Variants in NR6A1 observed in about 807,000 individuals in gnomAD.
NR6A1 encodes the protein nuclear receptor subfamily 6 group A member 1.
In NR6A1, 7 loss-of-function variants were observed where a neutral mutation model predicts 59.1. That is an observed-to-expected ratio of 0.12 (90% CI 0.07 to 0.22). The LOEUF is 0.22. NR6A1 is among the 10% of genes least tolerant of loss of function. NR6A1 has a pLI of 1.00. For synonymous variants in NR6A1, 243 were observed against 236.1 expected (o/e 1.03, Z -0.27); for missense variants, 468 against 611.6 (o/e 0.77, Z 2.48).
intron 1 of NR6A1, among the ~76,000 whole-genome samples, chr9:124,763,062 AG>A (rs1840824010): frequency 6.6e-6 from 1 of 152,228 alleles, no homozygotes; most frequent in Non-Finnish European, 1.5e-5. Flanking sequence ...CATGAACAAA[AG>A]TAGCTGGCTC....
rs34652433 is a variant in NR6A1 at position 124,568,169 on chromosome 9, CAAAAAAA to C, written c.143-13606_143-13600del. On this transcript the variant is annotated intron_variant, in intron 2 of 9. Transcript: ENST00000487099. ...AGCCTGGCAGAGCAATACTTCATCT[CAAAAAAA>C]AAAAAAAAAAAAAAAAAAAGAAACA... Among the ~76,000 whole-genome samples the C allele has an allele frequency of 1.0e-2, 303 of 30,446 alleles. 6 individuals carry two copies. Among genetic ancestry groups the C allele is most frequent in the African/African-American group, 0.021 (197 of 9,498 alleles). The allele number at this position is 30,446 out of a possible 152,430, so 20.0% of individuals were successfully genotyped here.
intron 2 of NR6A1, among the ~76,000 whole-genome samples, chr9:124,584,639 T>C (rs985006884): frequency 1.3e-5 from 2 of 152,170 alleles, no homozygotes; most frequent in African/African-American, 4.8e-5. Context: ...CGAAATAAGA[T>C]GGTGAACTTA....
intron 2 of NR6A1, chr9:124,692,664 C>G: frequency 3.7e-6 from 1 of 269,512 alleles, no homozygotes; most frequent in East Asian, 9.9e-5. Context: ...GAATTTTATT[C>G]CTACTGCTCA....
intron 2 of NR6A1, among the ~76,000 whole-genome samples, chr9:124,608,133 A>T (rs991375531): frequency 6.6e-6 from 1 of 152,184 alleles, no homozygotes; most frequent in Non-Finnish European, 1.5e-5. Flanking sequence ...TTTAAAAAAG[A>T]AAAAAGCACT....
At chr9:124,626,833 C>T (rs1264105138) in intron 2 of NR6A1, among the ~76,000 whole-genome samples, 3 of 152,118 alleles carry the variant, frequency 2.0e-5, no homozygotes, top group Non-Finnish European at 4.4e-5. Flanking sequence ...ACTCAGGAGG[C>T]TGAGGCAGGA....
chr9:124,599,521 C>G (rs1212557841), intron 2 of NR6A1: 2 of 573,516 alleles, frequency 3.5e-6, no homozygotes, highest in African/African-American at 4.0e-5. Flanking sequence ...CATGGTTGGA[C>G]TCGTCTTCAT....
chr9:124,540,889 C>G (rs776932655), intron 4 of NR6A1, among the ~76,000 whole-genome samples: 12 of 152,178 alleles, frequency 7.9e-5, no homozygotes, highest in Non-Finnish European at 1.6e-4. Context: ...ATACTCTCTT[C>G]AACAAATAGT....
At chr9:124,665,830 A>C (rs1837595295) in intron 2 of NR6A1, among the ~76,000 whole-genome samples, 1 of 152,252 alleles carries the variant, frequency 6.6e-6, no homozygotes, top group Non-Finnish European at 1.5e-5. Flanking sequence ...TGTGGCAATT[A>C]ATCTTACGAA....
intron 2 of NR6A1, among the ~76,000 whole-genome samples, chr9:124,614,196 G>A (rs1170604888): frequency 6.6e-6 from 1 of 152,150 alleles, no homozygotes; most frequent in Admixed American, 6.5e-5. Context: ...AGAGGGCTAT[G>A]CAGAGAGAGC....
intron 2 of NR6A1, among the ~76,000 whole-genome samples, chr9:124,587,292 C>T (rs1292028106): frequency 1.3e-5 from 2 of 152,134 alleles, no homozygotes; most frequent in African/African-American, 2.4e-5. Flanking sequence ...CCAAAAAATT[C>T]GAGTGACTTG....
intron 2 of NR6A1, among the ~76,000 whole-genome samples, chr9:124,710,241 T>C (rs1440675377): frequency 1.3e-5 from 2 of 152,146 alleles, no homozygotes; most frequent in African/African-American, 4.8e-5. Context: ...GACATAGAAC[T>C]TCTCCATTCA....
intron 2 of NR6A1, among the ~76,000 whole-genome samples, chr9:124,666,293 T>TTTTTTTTTTTTTTTTTTTTC: frequency 6.7e-6 from 1 of 149,632 alleles, no homozygotes; most frequent in Non-Finnish European, 1.5e-5. Flanking sequence ...TTTTTTTTTT[T>TTTTTTTTTTTTTTTTTTTTC]TTTGAGACAG....
At chr9:124,574,742 G>GA (rs1834540320) in intron 2 of NR6A1, among the ~76,000 whole-genome samples, 1 of 152,146 alleles carries the variant, frequency 6.6e-6, no homozygotes. Flanking sequence ...AATGCCACAT[G>GA]AAAATATCAT....
intron 1 of NR6A1, among the ~76,000 whole-genome samples, chr9:124,749,658 T>C (rs1272448602): frequency 6.6e-6 from 1 of 152,168 alleles, no homozygotes; most frequent in Non-Finnish European, 1.5e-5. Flanking sequence ...AACTTCTGAC[T>C]CAAGCAATCC....
chr9:124,749,559 T>C (rs1270838281), intron 1 of NR6A1, among the ~76,000 whole-genome samples: 1 of 150,616 alleles, frequency 6.6e-6, no homozygotes, highest in Admixed American at 6.6e-5. Context: ...AATACGGTAT[T>C]TTTTTTTTAA....
At chr9:124,754,995 A>G (rs1019996678) in intron 1 of NR6A1, among the ~76,000 whole-genome samples, 2 of 152,174 alleles carry the variant, frequency 1.3e-5, no homozygotes, top group Non-Finnish European at 2.9e-5. Context: ...AATAGACAGG[A>G]TTTAAACCCA....
intron 2 of NR6A1, among the ~76,000 whole-genome samples, chr9:124,729,418 A>AG (rs1244498961): frequency 1.2e-4 from 18 of 152,150 alleles, no homozygotes; most frequent in African/African-American, 4.3e-4. Flanking sequence ...TATTTGAAAG[A>AG]GAAAAAAAAT....
intron 2 of NR6A1, among the ~76,000 whole-genome samples, chr9:124,593,844 C>A (rs1280803496): frequency 6.6e-6 from 1 of 152,000 alleles, no homozygotes; most frequent in Non-Finnish European, 1.5e-5. Context: ...CAAAGCCCTT[C>A]CCCCACCTTT....
At chr9:124,663,283 C>A (rs899000960) in intron 2 of NR6A1, among the ~76,000 whole-genome samples, 2 of 152,132 alleles carry the variant, frequency 1.3e-5, no homozygotes, top group Non-Finnish European at 2.9e-5. Flanking sequence ...CACGTCTTAA[C>A]CCCCAAATCT....
Sources: gnomAD v4.1 joint callset for allele counts (sites outside exome capture counted in the v4.1 genomes callset) on GRCh38, gnomAD v4.1.1 for gene constraint, MANE v1.5 for transcripts, NCBI Gene and HGNC (gene_info 2026-07-23, HGNC 2026-07-21) for gene names.